KCNAB1: variants seen among roughly 807,000 people sequenced by gnomAD.
KCNAB1 encodes potassium voltage-gated channel subfamily A regulatory beta subunit 1.
KCNAB1 carries 35 observed loss-of-function variants against 64.6 expected under a neutral mutation model. The observed-to-expected ratio is 0.54, with a 90% CI of 0.41 to 0.72. The LOEUF is 0.72. Among genes scored for constraint, KCNAB1 ranks in the 30% least tolerant of loss-of-function variants. The probability of loss-of-function intolerance (pLI) is 0.00; values close to 1 mark genes in which losing one functional copy is unlikely to be tolerated. For synonymous variants in KCNAB1, 177 were observed against 183.8 expected (o/e 0.96, Z 0.30); for missense variants, 401 against 512.9 (o/e 0.78, Z 2.11).
chr3:156,236,527 C>T (rs1716859039), intron 1 of KCNAB1, among the ~76,000 whole-genome samples: 1 of 152,126 alleles, frequency 6.6e-6, no homozygotes, highest in African/African-American at 2.4e-5. Flanking sequence ...GAGGGAACTG[C>T]CAACCTAACA....
chr3:156,268,463 A>G (rs755760232), intron 1 of KCNAB1, among the ~76,000 whole-genome samples: 17 of 152,114 alleles, frequency 1.1e-4, no homozygotes, highest in Non-Finnish European at 1.8e-4. Flanking sequence ...TCTCCATGGT[A>G]GTTGTACTAA....
chr3:156,345,936 G>T (rs1452375078), intron 1 of KCNAB1, among the ~76,000 whole-genome samples: 5 of 152,064 alleles, frequency 3.3e-5, no homozygotes, highest in Non-Finnish European at 7.4e-5. Flanking sequence ...ATACAATTTT[G>T]CTCAGCTTAA....
intron 1 of KCNAB1, among the ~76,000 whole-genome samples, chr3:156,231,201 A>G (rs767046607): frequency 2.6e-5 from 4 of 152,182 alleles, no homozygotes; most frequent in Non-Finnish European, 5.9e-5. Flanking sequence ...CTTTTCCTGT[A>G]ACATTAATGA....
intron 1 of KCNAB1, among the ~76,000 whole-genome samples, chr3:156,126,073 A>C (rs2108258086): frequency 6.6e-6 from 1 of 152,266 alleles, no homozygotes; most frequent in African/African-American, 2.4e-5. Flanking sequence ...GGATTTGAGC[A>C]GGAGGAGATG....
At chr3:156,135,462 T>C (rs1714287454) in intron 1 of KCNAB1, among the ~76,000 whole-genome samples, 1 of 152,220 alleles carries the variant, frequency 6.6e-6, no homozygotes, top group South Asian at 2.1e-4. Context: ...CTTACAATAA[T>C]GACTGCTTAA....
intron 13 of KCNAB1, 47 bp downstream of exon 13, chr3:156,531,544 T>C: frequency 7.3e-7 from 1 of 1,362,748 alleles, no homozygotes; most frequent in Non-Finnish European, 1.1e-6. Flanking sequence ...AATGGTGCCT[T>C]TGAGGCTATC....
chr3:156,402,497 A>G (rs1300573708), intron 1 of KCNAB1, among the ~76,000 whole-genome samples: 1 of 152,300 alleles, frequency 6.6e-6, no homozygotes, highest in East Asian at 1.9e-4. Flanking sequence ...CTGAATCTAC[A>G]TTCCTCCAAC....
At chr3:156,190,077 T>C (rs1194196760) in intron 1 of KCNAB1, among the ~76,000 whole-genome samples, 3 of 152,234 alleles carry the variant, frequency 2.0e-5, no homozygotes, top group Non-Finnish European at 2.9e-5. Flanking sequence ...TTCTGAGTTA[T>C]GTTGAGTCAT....
intron 1 of KCNAB1, among the ~76,000 whole-genome samples, chr3:156,180,175 G>T (rs1712709691): frequency 6.6e-6 from 1 of 152,210 alleles, no homozygotes; most frequent in Non-Finnish European, 1.5e-5. Flanking sequence ...AATCTTATTT[G>T]TAATTCAATC....
chr3:156,314,508 A>G lies in KCNAB1; in HGVS notation c.276-107108A>G, dbSNP rs61016231. Among the ~76,000 whole-genome samples, 220 of 152,324 alleles carry G rather than the reference A, an allele frequency of 1.4e-3. 1 individual carries two copies. Among genetic ancestry groups the G allele is most frequent in the African/African-American group, 5.0e-3 (209 of 41,572 alleles). ...GCCAGCCTCCCCACCATTCTGCATT[A>G]CTGCCTCCATAAGCCTACCCAGCTA... On this transcript the variant is annotated intron_variant, in intron 1 of 13. Transcript: ENST00000490337.
intron 1 of KCNAB1, among the ~76,000 whole-genome samples, chr3:156,418,583 G>A (rs1396665191): frequency 1.3e-5 from 2 of 152,290 alleles, no homozygotes; most frequent in South Asian, 2.1e-4. Flanking sequence ...CAGAAATCAT[G>A]TTGGGATTTC....
Position 156,474,797 on chromosome 3 carries a change from C to T in KCNAB1, c.635C>T (p.Pro212Leu), listed in dbSNP as rs144113580. Residue 212 changes from proline (P) to leucine (L), a missense_variant, in exon 8 of 14, where the codon CCG (proline) becomes CTG (leucine). Transcript: ENST00000490337. ...EYVDVVFANR[P>L]DSNTPMEEIV... ...GTGGATGTGGTCTTTGCAAATCGACCGGACAGTAACACTCCCATGGAAGGT... is the reference window on the plus strand; with the variant it reads ...GTGGATGTGGTCTTTGCAAATCGACTGGACAGTAACACTCCCATGGAAGGT... 9.3e-5 allele frequency: 150 copies of T among 1,612,602 alleles called. No individual in the cohort carries two copies. The East Asian group carries it at 1.1e-3, about 12-fold the overall frequency.
At chr3:156,224,855 C>T (rs1716048641) in intron 1 of KCNAB1, among the ~76,000 whole-genome samples, 1 of 152,120 alleles carries the variant, frequency 6.6e-6, no homozygotes, top group Admixed American at 6.5e-5. Context: ...GAAATAACCT[C>T]CTGGATTAAA....
At chr3:156,283,065 G>T (rs1247191607) in intron 1 of KCNAB1, among the ~76,000 whole-genome samples, 96 of 151,648 alleles carry the variant, frequency 6.3e-4, no homozygotes, top group African/African-American at 2.1e-3. Context: ...TAGTCTTGAT[G>T]GTCTTTACAT....
chr3:156,529,556 T>TA (rs994336835), intron 12 of KCNAB1, among the ~76,000 whole-genome samples: 24 of 151,050 alleles, frequency 1.6e-4, no homozygotes, highest in African/African-American at 5.6e-4. Flanking sequence ...AGGAGTGTGT[T>TA]AAAAATGCAC....
intron 1 of KCNAB1, among the ~76,000 whole-genome samples, chr3:156,352,940 C>CCT (rs1381377141): frequency 1.3e-5 from 2 of 152,240 alleles, no homozygotes; most frequent in Admixed American, 1.3e-4. Flanking sequence ...GACAGTGCAG[C>CCT]CTCTGGCTTC....
chr3:156,194,789 T>C (rs1176447253), intron 1 of KCNAB1, among the ~76,000 whole-genome samples: 1 of 152,186 alleles, frequency 6.6e-6, no homozygotes, highest in Non-Finnish European at 1.5e-5. Flanking sequence ...TTTATTATAC[T>C]TTAAGTTCTG....
chr3:156,332,889 G>A (rs1163215161), intron 1 of KCNAB1, among the ~76,000 whole-genome samples: 1 of 152,064 alleles, frequency 6.6e-6, no homozygotes, highest in Non-Finnish European at 1.5e-5. Flanking sequence ...TTATTTCCTG[G>A]TTTCCACAAC....
At chr3:156,451,024 C>A (rs1476433803) in intron 2 of KCNAB1, among the ~76,000 whole-genome samples, 1 of 152,100 alleles carries the variant, frequency 6.6e-6, no homozygotes, top group African/African-American at 2.4e-5. Flanking sequence ...GCTGGGAATA[C>A]AACAGGAAGA....
Sources: allele counts gnomAD v4.1 joint callset (sites outside exome capture counted in the v4.1 genomes callset), GRCh38; gene constraint gnomAD v4.1.1; transcripts MANE v1.5; gene names NCBI Gene and HGNC (gene_info 2026-07-23, HGNC 2026-07-21).